KANSL1L: variants seen among roughly 807,000 people sequenced by gnomAD.
The protein encoded by KANSL1L is KAT8 regulatory NSL complex subunit 1 like.
In KANSL1L, 25 loss-of-function variants were observed where a neutral mutation model predicts 108.6. That is an observed-to-expected ratio of 0.23 (90% CI 0.17 to 0.32). The LOEUF is 0.32. Among genes scored for constraint, KANSL1L ranks in the 10% least tolerant of loss-of-function variants. KANSL1L has a pLI of 1.00. For synonymous variants in KANSL1L, 405 were observed against 395.1 expected, an observed-to-expected ratio of 1.03 and a Z score of -0.30; for missense variants, 1,137 against 1,125.7, an observed-to-expected ratio of 1.01 and a Z score of -0.14.
In KANSL1L at chr2:210,129,476, G is replaced by A. The variant is rs148034166; in HGVS notation, c.1089-304C>T. Among the ~76,000 whole-genome samples, 872 of 152,136 alleles carry A rather than the reference G, an allele frequency of 5.7e-3. 11 individuals are homozygous for A. Among genetic ancestry groups the A allele is most frequent in the African/African-American group, 0.02 (818 of 41,522 alleles). On this transcript the variant is annotated intron_variant, in intron 2 of 14. Coordinates refer to ENST00000281772, the MANE Select transcript of KANSL1L (RefSeq NM_152519.4). ...AACAGAGATAAACCAGCAAAGAAAA[G>A]GAAACATGAATGACAATGCAAACAC...
At chr2:210,041,409 A>C (rs1284072385) in intron 7 of KANSL1L, among the ~76,000 whole-genome samples, 1 of 152,146 alleles carries the variant, frequency 6.6e-6, no homozygotes, top group Non-Finnish European at 1.5e-5. Context: ...ATGAGGATAG[A>C]CCCAGAAAGG....
rs193019238 is a variant in KANSL1L, at chr2:210,108,119, G to T, written c.1231-3818C>A. ...AAGAAGCTATAAGAGCAAGGAAAGT[G>T]ATGTTTTTCTTATATAATAACATTT... On this transcript the variant is annotated intron_variant, in intron 3 of 14. Coordinates refer to ENST00000281772, the MANE Select transcript of KANSL1L (RefSeq NM_152519.4). Among the ~76,000 whole-genome samples, 340 of 152,214 alleles carry T rather than the reference G, an allele frequency of 2.2e-3. 3 individuals are homozygous for T. The highest frequency in any genetic ancestry group is 1.6e-3 in the Non-Finnish European group (106 of 68,004).
chr2:210,150,408 T>C (rs551974159), intron 2 of KANSL1L, among the ~76,000 whole-genome samples: 1 of 152,324 alleles, frequency 6.6e-6, no homozygotes, highest in Admixed American at 6.5e-5. Context: ...AAACTTAGTG[T>C]TTCCTCACTA....
intron 1 of KANSL1L, among the ~76,000 whole-genome samples, chr2:210,156,899 CTA>C (rs1055005158): frequency 6.6e-6 from 1 of 150,846 alleles, no homozygotes; most frequent in African/African-American, 2.4e-5. Context: ...AATGTAATTT[CTA>C]TATGAGTTTC....
intron 5 of KANSL1L, 59 bp downstream of exon 5, chr2:210,098,013 TCAAAACAAAATCAA>T (rs1214823605): frequency 1.1e-5 from 15 of 1,371,560 alleles, no homozygotes; most frequent in Non-Finnish European, 1.3e-5. Context: ...ACTTAAAATA[TCAAAACAAAATCAA>T]AATAAGATAA....
chr2:210,043,431 A>G (rs1450353346), intron 7 of KANSL1L: 1 of 158,254 alleles, frequency 6.3e-6, no homozygotes, highest in African/African-American at 2.4e-5. Flanking sequence ...AGATGTAAGG[A>G]TGTATAAGCC....
chr2:210,162,773 C>G (rs985447970), intron 1 of KANSL1L, among the ~76,000 whole-genome samples: 4 of 152,078 alleles, frequency 2.6e-5, no homozygotes, highest in Non-Finnish European at 1.5e-5. Context: ...AAGATACCAA[C>G]GTGTTTAGAA....
At chr2:210,112,117 T>G (rs1229330140) in intron 3 of KANSL1L, among the ~76,000 whole-genome samples, 1 of 152,224 alleles carries the variant, frequency 6.6e-6, no homozygotes, top group Non-Finnish European at 1.5e-5. Context: ...TCACATTTTC[T>G]TAATCCAGAC....
In KANSL1L at chr2:210,072,042, T is replaced by C. The variant is rs556230853; in HGVS notation, c.1755+3510A>G. 1.6e-3 allele frequency among the ~76,000 whole-genome samples: 238 copies of C among 152,328 alleles called. 1 individual carries two copies. Among genetic ancestry groups the C allele is most frequent in the Non-Finnish European group, 2.2e-3 (147 of 68,022 alleles). ...TAATATTCAGGGAATTCAACATTAA[T>C]AAAATATTTTGTCTAATCTACCATC... On this transcript the variant is annotated intron_variant, in intron 6 of 14. Transcript: ENST00000281772.
chr2:210,155,523 T>C lies in KANSL1L; in HGVS notation c.-29-912A>G, dbSNP rs2095328306. ...CCTAATGCAATGTCTCCTCTAAACGTATCTGCAATTTTACCCTTTTCACAA... is the reference window on the plus strand; with the variant it reads ...CCTAATGCAATGTCTCCTCTAAACGCATCTGCAATTTTACCCTTTTCACAA... On this transcript the variant is annotated intron_variant, in intron 1 of 14. Coordinates refer to ENST00000281772, the MANE Select transcript of KANSL1L (RefSeq NM_152519.4). Among the ~76,000 whole-genome samples the C allele has an allele frequency of 5.3e-5, 8 of 152,358 alleles. No homozygotes were observed. The South Asian group carries it at 1.0e-3, about 20-fold the overall frequency.
At chr2:210,093,283 C>T (rs1176689908) in intron 5 of KANSL1L, among the ~76,000 whole-genome samples, 1 of 152,110 alleles carries the variant, frequency 6.6e-6, no homozygotes, top group Non-Finnish European at 1.5e-5. Context: ...GTAGTTGGGA[C>T]TACAGGCATG....
Position 210,071,544 on chromosome 2 carries a change from C to T in KANSL1L, c.1755+4008G>A, listed in dbSNP as rs530829971. On this transcript the variant is annotated intron_variant, in intron 6 of 14. Transcript: ENST00000281772. Reference sequence around the variant, plus strand: ...TCGGCCTCCCAAAGTGTTGGGATTACAGGCATGAGCTGCCATGCCCGACCA... The same window carrying T: ...TCGGCCTCCCAAAGTGTTGGGATTATAGGCATGAGCTGCCATGCCCGACCA... Among the ~76,000 whole-genome samples the T allele has an allele frequency of 9.2e-5, 14 of 152,296 alleles. No homozygotes were observed. The East Asian group carries it at 2.7e-3, about 29-fold the overall frequency.
intron 9 of KANSL1L, chr2:210,031,176 G>T (rs2125138098): frequency 2.8e-6 from 1 of 359,588 alleles, no homozygotes; most frequent in Non-Finnish European, 5.0e-6. Flanking sequence ...GGACTGATTG[G>T]TAGAAGACAA....
intron 7 of KANSL1L, among the ~76,000 whole-genome samples, chr2:210,042,400 A>G (rs1359107220): frequency 6.6e-6 from 1 of 152,210 alleles, no homozygotes; most frequent in Non-Finnish European, 1.5e-5. Context: ...TAGAGGGGGC[A>G]TAAGAGTCTT....
intron 6 of KANSL1L, chr2:210,064,143 T>C (rs1293344304): frequency 6.6e-6 from 1 of 152,176 alleles, no homozygotes; most frequent in Non-Finnish European, 1.5e-5. Context: ...GCCATCTACG[T>C]TAAGACATGA....
rs138431174 is a variant in KANSL1L at position 210,115,908 on chromosome 2, C to T, written c.1231-11607G>A. 1.2e-3 allele frequency among the ~76,000 whole-genome samples: 187 copies of T among 152,302 alleles called. 1 individual carries two copies. The highest frequency in any genetic ancestry group is 4.2e-3 in the African/African-American group (176 of 41,566). On this transcript the variant is annotated intron_variant, in intron 3 of 14. Coordinates refer to ENST00000281772, the MANE Select transcript of KANSL1L (RefSeq NM_152519.4). ...GCCTCCAGCAATTGTACCCCCACTA[C>T]CTCCCAACATAGGAACACCAGATTG...
intron 10 of KANSL1L, among the ~76,000 whole-genome samples, chr2:210,029,588 AAAG>A (rs552454234): frequency 1.7e-4 from 26 of 152,280 alleles, no homozygotes; most frequent in East Asian, 1.5e-3. Context: ...TAACACATAA[AAAG>A]AAGCTATAAC....
intron 5 of KANSL1L, chr2:210,079,836 T>A (rs950042335): frequency 9.2e-5 from 13 of 141,146 alleles, no homozygotes; most frequent in African/African-American, 3.2e-4. Context: ...TGGAGAATAA[T>A]AAAAATCTTC....
chr2:210,108,648 G>A (rs2094874595), intron 3 of KANSL1L, among the ~76,000 whole-genome samples: 1 of 152,176 alleles, frequency 6.6e-6, no homozygotes, highest in Non-Finnish European at 1.5e-5. Context: ...TATCCTTTAT[G>A]GAAAATGATC....
Sources: allele counts gnomAD v4.1 joint callset (sites outside exome capture counted in the v4.1 genomes callset), GRCh38; gene constraint gnomAD v4.1.1; transcripts MANE v1.5; gene names NCBI Gene and HGNC (gene_info 2026-07-23, HGNC 2026-07-21).